The following YES1 variants were observed in gnomAD, a reference collection of about 807,000 sequenced individuals.
The protein encoded by YES1 is tyrosine-protein kinase Yes.
A neutral mutation model predicts 70.4 loss-of-function variants in YES1; 39 were observed. The observed-to-expected ratio is 0.55, with a 90% CI of 0.43 to 0.72. The LOEUF is 0.72. Among genes scored for constraint, YES1 ranks in the 30% least tolerant of loss-of-function variants. The pLI is 0.00. For missense variants in YES1, 495 were observed against 644.8 expected, an observed-to-expected ratio of 0.77 and a Z score of 2.52; for synonymous variants, 198 against 218.6, an observed-to-expected ratio of 0.91 and a Z score of 0.83.
intron 11 of YES1, among the ~76,000 whole-genome samples, chr18:732,166 C>CT (rs1260812856): frequency 1.6e-5 from 2 of 126,424 alleles, no homozygotes; most frequent in East Asian, 3.7e-4. Context: ...ATGATGGGCA[C>CT]GGTGGCTCAC....
At chr18:806,574 T>G (rs1472750786) in intron 1 of YES1, among the ~76,000 whole-genome samples, 3 of 152,200 alleles carry the variant, frequency 2.0e-5, no homozygotes, top group African/African-American at 4.8e-5. Flanking sequence ...AATTCAGAAT[T>G]TATTTAGTAT....
intron 1 of YES1, among the ~76,000 whole-genome samples, chr18:777,865 G>A (rs576202196): frequency 6.7e-6 from 1 of 149,722 alleles, no homozygotes; most frequent in South Asian, 2.2e-4. Flanking sequence ...ATACTTTATA[G>A]CAGCATGTTT....
intron 1 of YES1, among the ~76,000 whole-genome samples, chr18:789,478 G>A (rs1398084018): frequency 6.6e-6 from 1 of 152,068 alleles, no homozygotes; most frequent in Non-Finnish European, 1.5e-5. Context: ...AACTACTTGA[G>A]AGGCAAAGGT....
At chr18:775,816 A>G (rs1186634606) in intron 1 of YES1, among the ~76,000 whole-genome samples, 1 of 152,028 alleles carries the variant, frequency 6.6e-6, no homozygotes, top group Non-Finnish European at 1.5e-5. Flanking sequence ...AAAAAAAAAA[A>G]TAGAATCATA....
chr18:727,956 T>G (rs1233419510), intron 11 of YES1, among the ~76,000 whole-genome samples: 1 of 152,206 alleles, frequency 6.6e-6, no homozygotes, highest in Non-Finnish European at 1.5e-5. Context: ...CAGAAGTGTT[T>G]CCGATTTTGG....
chr18:756,617 A>T lies in YES1; in HGVS notation c.211T>A (p.Phe71Ile). The change falls in exon 2 of 12, where the codon TTT (phenylalanine) becomes ATT (isoleucine). Residue 71 changes from phenylalanine (F) to isoleucine (I), a missense_variant. Transcript: ENST00000314574. ...GAAAATGAGGAAGATGCACCTCCAAAAGGCGTTACCCCTGAGGATCCTCCA... is the reference window on the plus strand; with the variant it reads ...GAAAATGAGGAAGATGCACCTCCAATAGGCGTTACCCCTGAGGATCCTCCA... ...PFGGSSGVTP[F>I]GGASSSFSVV... 6.2e-7 allele frequency: 1 copy of T among 1,614,148 alleles called. No homozygotes were observed. The highest frequency in any genetic ancestry group is 8.5e-7 in the Non-Finnish European group (1 of 1,180,032).
chr18:789,732 T>A (rs1334562411), intron 1 of YES1, among the ~76,000 whole-genome samples: 1 of 151,936 alleles, frequency 6.6e-6, no homozygotes, highest in Non-Finnish European at 1.5e-5. Flanking sequence ...TTGAGGAATT[T>A]AGGAGCAAAC....
chr18:768,591 T>C (rs1462446275), intron 1 of YES1, among the ~76,000 whole-genome samples: 1 of 152,254 alleles, frequency 6.6e-6, no homozygotes, highest in Non-Finnish European at 1.5e-5. Flanking sequence ...TACCATCATG[T>C]GCAGCGTAAC....
intron 1 of YES1, among the ~76,000 whole-genome samples, chr18:765,728 A>C (rs966910260): frequency 6.6e-6 from 1 of 152,178 alleles, no homozygotes; most frequent in Non-Finnish European, 1.5e-5. Context: ...GGAGTAAAAT[A>C]AGTGGGAATA....
intron 11 of YES1, among the ~76,000 whole-genome samples, chr18:730,944 C>G (rs1000790695): frequency 1.1e-5 from 1 of 88,416 alleles, no homozygotes; most frequent in African/African-American, 5.4e-5. Context: ...ATGATGAAAT[C>G]AGAGAAGGGT....
chr18:810,818 T>C (rs764377527), intron 1 of YES1, among the ~76,000 whole-genome samples: 2 of 152,204 alleles, frequency 1.3e-5, no homozygotes, highest in Non-Finnish European at 2.9e-5. Context: ...TATTATTTGC[T>C]AAAGTAAAAC....
chr18:741,015 A>G (rs2080211236), intron 8 of YES1, among the ~76,000 whole-genome samples: 1 of 152,106 alleles, frequency 6.6e-6, no homozygotes, highest in Admixed American at 6.6e-5. Flanking sequence ...CTCGTGCCTC[A>G]GCCTCCCGAG....
At chr18:744,107 T>C (rs1243950514) in intron 6 of YES1, among the ~76,000 whole-genome samples, 4 of 151,058 alleles carry the variant, frequency 2.6e-5, no homozygotes, top group Non-Finnish European at 5.9e-5. Context: ...ATACTTAGTA[T>C]GTTCCACTAT....
chr18:751,380 C>T (rs116990357), intron 3 of YES1, among the ~76,000 whole-genome samples: 2 of 152,032 alleles, frequency 1.3e-5, no homozygotes, highest in East Asian at 1.9e-4. Flanking sequence ...CCATCTGGTA[C>T]TTAGAAAAAT....
chr18:756,612 T>C lies in YES1; in HGVS notation c.216A>G (p.Gly72=). ...FGGSSGVTPF[G]GASSSFSVVP... ...CCACTGAAAATGAGGAAGATGCACC[T>C]CCAAAAGGCGTTACCCCTGAGGATC... The change falls in exon 2 of 12, where the codon GGA becomes GGG. Residue 72 remains glycine, a synonymous_variant. Transcript: ENST00000314574. 1.2e-6 allele frequency: 2 copies of C among 1,614,090 alleles called. No individual in the cohort carries two copies. Among genetic ancestry groups the C allele is most frequent in the South Asian group, 2.2e-5 (2 of 91,078 alleles).
chr18:766,480 T>C (rs551814184), intron 1 of YES1, among the ~76,000 whole-genome samples: 93 of 151,006 alleles, frequency 6.2e-4, no homozygotes, highest in African/African-American at 2.1e-3. Context: ...TTTCTATGTT[T>C]TCGTATTTAT....
At position 736,740 on chromosome 18, in the gene YES1, C is replaced by T. The variant is rs1412552017; in HGVS notation, c.1291+68G>A. ...AAAACAATTCTTATTCTGGAAAACC[C>T]TGTATAGTCAAGAGAGTTAAGCAAA... On this transcript the variant is annotated intron_variant, in intron 10 of 11. Transcript: ENST00000314574. 30 of 1,551,086 alleles carry T rather than the reference C, an allele frequency of 1.9e-5. 1 individual carries two copies. The highest frequency in any genetic ancestry group is 1.4e-5 in the African/African-American group (1 of 72,912).
intron 1 of YES1, among the ~76,000 whole-genome samples, chr18:804,533 C>T (rs1906987503): frequency 6.8e-6 from 1 of 147,938 alleles, no homozygotes; most frequent in Non-Finnish European, 1.5e-5. Flanking sequence ...TTGCTTGAAC[C>T]CGGGAGGCAG....
chr18:789,341 G>T (rs1337251141), intron 1 of YES1, among the ~76,000 whole-genome samples: 2 of 152,102 alleles, frequency 1.3e-5, no homozygotes, highest in Non-Finnish European at 2.9e-5. Context: ...CAACACTTTG[G>T]GAGGCTGAGG....
Sources: allele counts gnomAD v4.1 joint callset (sites outside exome capture counted in the v4.1 genomes callset), GRCh38; gene constraint gnomAD v4.1.1; transcripts MANE v1.5; gene names NCBI Gene and HGNC (gene_info 2026-07-23, HGNC 2026-07-21).